Variants in LRRC7 observed in about 807,000 individuals in gnomAD.
LRRC7 encodes the protein leucine rich repeat containing 7, also known as leucine-rich repeat-containing protein 7.
Under a neutral mutation model 175.7 loss-of-function variants are expected in LRRC7, and 23 were observed. The ratio of observed to expected loss-of-function variants is 0.13; its 90% CI spans 0.09 to 0.19. LRRC7 has a LOEUF of 0.19. Among genes scored for constraint, LRRC7 ranks in the 10% least tolerant of loss-of-function variants. LRRC7 has a pLI of 1.00. For missense variants in LRRC7, 1,354 were observed against 1,904.7 expected, an observed-to-expected ratio of 0.71 and a Z score of 5.38; for synonymous variants, 685 against 680.9, an observed-to-expected ratio of 1.01 and a Z score of -0.09.
intron 2 of LRRC7, among the ~76,000 whole-genome samples, chr1:69,755,899 A>G (rs1670370864): frequency 1.3e-5 from 2 of 151,966 alleles, no homozygotes; most frequent in African/African-American, 4.8e-5. Context: ...TGAGGGTTTC[A>G]TTCTTCAGTA....
chr1:69,939,019 ATATATATATATCTATATATATC>A lies in LRRC7; in HGVS notation c.711+7455_711+7476del, dbSNP rs1557910916. On this transcript the variant is annotated intron_variant, in intron 8 of 26. Coordinates refer to ENST00000651989, the MANE Select transcript of LRRC7 (RefSeq NM_001370785.2). ...ATTATATATATATATATATATCTATATATATATATATCTATATATATCTATATCTATCTCACAGACATTGCCA... is the reference window on the plus strand; with the variant it reads ...ATTATATATATATATATATATCTATATATATCTATCTCACAGACATTGCCA... Among the ~76,000 whole-genome samples, 8 of 110,768 alleles carry A rather than the reference ATATATATATATCTATATATATC, an allele frequency of 7.2e-5. 1 individual carries two copies. The highest frequency in any genetic ancestry group is 2.6e-4 in the African/African-American group (8 of 30,636). 72.7% of individuals were successfully genotyped at this position (110,768 alleles called of 152,430 possible). A position where few individuals can be genotyped will look rare whatever the true frequency, so the allele number is the denominator to read the frequency against.
intron 1 of LRRC7, among the ~76,000 whole-genome samples, chr1:69,611,591 G>A (rs1383744205): frequency 6.6e-6 from 1 of 152,004 alleles, no homozygotes; most frequent in African/African-American, 2.4e-5. Context: ...CATACATTTT[G>A]CTGATTAATT....
At chr1:69,985,556 A>G (rs1557958876) in intron 9 of LRRC7, among the ~76,000 whole-genome samples, 2 of 152,226 alleles carry the variant, frequency 1.3e-5, no homozygotes, top group Non-Finnish European at 2.9e-5. Context: ...ACATAGTTGT[A>G]CAACCATCAC....
intron 11 of LRRC7, among the ~76,000 whole-genome samples, chr1:70,007,483 A>G (rs1375970559): frequency 2.0e-5 from 3 of 152,206 alleles, no homozygotes; most frequent in Non-Finnish European, 4.4e-5. Context: ...GTAGGTTACA[A>G]ATGCATAGGA....
intron 2 of LRRC7, among the ~76,000 whole-genome samples, chr1:69,754,174 A>T (rs1670153149): frequency 1.3e-5 from 2 of 152,050 alleles, no homozygotes; most frequent in Non-Finnish European, 2.9e-5. Context: ...TACTTTGAGG[A>T]CAGAGAGGAG....
chr1:69,739,826 T>G (rs1445739510), intron 2 of LRRC7, among the ~76,000 whole-genome samples: 2 of 152,126 alleles, frequency 1.3e-5, no homozygotes, highest in East Asian at 3.9e-4. Flanking sequence ...ATTTTCAAGA[T>G]GTCAATCACC....
rs569438651 is a variant in LRRC7 at position 69,641,725 on chromosome 1, T to G, written c.3-36656T>G. ...GTAGCTATATTTTCTATAAGCACAC[T>G]TTTTTTTTAGAACTTAAACAAATTT... is the stretch of plus-strand genomic sequence containing the variant. On this transcript the variant is annotated intron_variant, in intron 1 of 26. Transcript: ENST00000651989. Among the ~76,000 whole-genome samples, 8 of 143,682 alleles carry G rather than the reference T, an allele frequency of 5.6e-5. No individual in the cohort carries two copies. The East Asian group carries it at 1.6e-3, about 28-fold the overall frequency. The allele number at this position is 143,682 out of a possible 152,430, so 94.3% of individuals were successfully genotyped here. A position where few individuals can be genotyped will look rare whatever the true frequency, so the allele number is the denominator to read the frequency against.
chr1:69,766,079 A>T (rs1387337357), intron 3 of LRRC7, among the ~76,000 whole-genome samples: 1 of 152,064 alleles, frequency 6.6e-6, no homozygotes, highest in Admixed American at 6.6e-5. Context: ...ACAATTGCAG[A>T]GAAAAAAATA....
At chr1:69,706,927 G>A (rs764750207) in intron 2 of LRRC7, among the ~76,000 whole-genome samples, 5 of 152,010 alleles carry the variant, frequency 3.3e-5, no homozygotes, top group South Asian at 4.2e-4. Flanking sequence ...AAATAAATTC[G>A]GTTCTGGGCC....
intron 26 of LRRC7, among the ~76,000 whole-genome samples, chr1:70,109,417 C>G (rs1186583457): frequency 6.6e-6 from 1 of 152,192 alleles, no homozygotes; most frequent in Non-Finnish European, 1.5e-5. Context: ...GCTACTTCAG[C>G]CTGTGCCAAT....
intron 8 of LRRC7, among the ~76,000 whole-genome samples, chr1:69,934,113 A>T (rs906149700): frequency 2.6e-5 from 4 of 152,190 alleles, no homozygotes; most frequent in African/African-American, 9.7e-5. Flanking sequence ...AGAAAATAAG[A>T]GATTTTGCTC....
chr1:69,590,899 ATAAT>A (rs1646603648), intron 1 of LRRC7, among the ~76,000 whole-genome samples: 1 of 152,250 alleles, frequency 6.6e-6, no homozygotes, highest in African/African-American at 2.4e-5. Flanking sequence ...GGATTGAGAA[ATAAT>A]TAATGTTGAA....
intron 22 of LRRC7, among the ~76,000 whole-genome samples, chr1:70,047,783 A>G (rs1660447693): frequency 6.6e-6 from 1 of 152,010 alleles, no homozygotes. Flanking sequence ...GAACTCTTTC[A>G]GATATTAAGA....
intron 7 of LRRC7, among the ~76,000 whole-genome samples, chr1:69,870,334 T>A (rs1358520917): frequency 6.6e-6 from 1 of 152,008 alleles, no homozygotes; most frequent in African/African-American, 2.4e-5. Context: ...AAGGAGCCAG[T>A]AGAGAGAATA....
At chr1:69,907,855 C>T (rs9725110) in intron 7 of LRRC7, among the ~76,000 whole-genome samples, 3 of 151,654 alleles carry the variant, frequency 2.0e-5, no homozygotes, top group Non-Finnish European at 4.4e-5. Flanking sequence ...CCTCCTTGTA[C>T]CTCTGGTAGA....
intron 22 of LRRC7, among the ~76,000 whole-genome samples, chr1:70,052,691 C>G (rs879686399): frequency 6.6e-6 from 1 of 151,990 alleles, no homozygotes; most frequent in Non-Finnish European, 1.5e-5. Flanking sequence ...TAAAATTAAG[C>G]AAGTTTTAAG....
At chr1:69,835,070 C>A in intron 6 of LRRC7, among the ~76,000 whole-genome samples, 1 of 149,716 alleles carries the variant, frequency 6.7e-6, no homozygotes, top group Non-Finnish European at 1.5e-5. Flanking sequence ...CATTAATAGT[C>A]AAATAAATTC....
At chr1:69,689,354 C>T (rs1400163250) in intron 2 of LRRC7, among the ~76,000 whole-genome samples, 1 of 152,128 alleles carries the variant, frequency 6.6e-6, no homozygotes, top group Non-Finnish European at 1.5e-5. Context: ...ACTCTAAAAG[C>T]TATCTTAGTC....
chr1:69,975,175 A>T (rs1652683233), intron 8 of LRRC7, among the ~76,000 whole-genome samples: 1 of 152,154 alleles, frequency 6.6e-6, no homozygotes, highest in African/African-American at 2.4e-5. Context: ...GGTATGATTG[A>T]TCATCTTTCT....
Sources: gnomAD v4.1 joint callset for allele counts (sites outside exome capture counted in the v4.1 genomes callset) on GRCh38, gnomAD v4.1.1 for gene constraint, MANE v1.5 for transcripts, NCBI Gene and HGNC (gene_info 2026-07-23, HGNC 2026-07-21) for gene names.